Variants in FYB2 observed in about 807,000 individuals in gnomAD.
FYB2 encodes FYN binding protein 2.
In FYB2, 103 loss-of-function variants were observed where a neutral mutation model predicts 94.1. That is an observed-to-expected ratio of 1.09 (90% CI 0.93 to 1.29). FYB2 has a LOEUF of 1.29. FYB2 is among the 50% of genes most tolerant of loss of function. FYB2 has a pLI of 0.00. For missense variants in FYB2, 896 were observed against 841.5 expected, an observed-to-expected ratio of 1.06 and a Z score of -0.80; for synonymous variants, 293 against 287.9, an observed-to-expected ratio of 1.02 and a Z score of -0.18.
At position 56,719,647 on chromosome 1, in the gene FYB2, C is replaced by T; in HGVS notation, c.*24G>A. The T allele has an allele frequency of 6.3e-7, 1 of 1,593,630 alleles. No individual in the cohort carries two copies. Among genetic ancestry groups the T allele is most frequent in the South Asian group, 1.1e-5 (1 of 90,152 alleles). On this transcript the variant is annotated 3_prime_UTR_variant, in exon 20 of 20. Coordinates refer to ENST00000343433, the MANE Select transcript of FYB2 (RefSeq NM_001004303.5). ...TAGGACTAGTTCTCCTTTGTGCAGT[C>T]CATAGCATTTGATCTTGATTTTTCT...
chr1:56,733,588 C>A (rs953383466), intron 15 of FYB2, among the ~76,000 whole-genome samples: 1 of 152,112 alleles, frequency 6.6e-6, no homozygotes, highest in Non-Finnish European at 1.5e-5. Context: ...AAATTTCCCT[C>A]TACACACTGC....
chr1:56,772,306 C>T (rs1328736785), intron 4 of FYB2, among the ~76,000 whole-genome samples: 1 of 151,868 alleles, frequency 6.6e-6, no homozygotes, highest in Non-Finnish European at 1.5e-5. Flanking sequence ...AAAATTTTAC[C>T]AAAGTTTCCA....
chr1:56,750,807 A>T (rs1272916752), intron 9 of FYB2, among the ~76,000 whole-genome samples: 1 of 152,030 alleles, frequency 6.6e-6, no homozygotes, highest in East Asian at 1.9e-4. Context: ...AGTTGCAGGA[A>T]TATGAAGTCA....
chr1:56,720,278 A>C lies in FYB2; in HGVS notation c.2026T>G (p.Ser676Ala). ...INTAVACSNN[S>A]RNGIFDLPIS... ...GGCAAATCAAATATTCCATTTCTTGAATTATTGGAACAGGCCACTGCTGTA... is the reference window on the plus strand; with the variant it reads ...GGCAAATCAAATATTCCATTTCTTGCATTATTGGAACAGGCCACTGCTGTA... The change falls in exon 18 of 20, where the codon TCA becomes GCA. Residue 676 changes from serine to alanine, a missense_variant. Transcript: ENST00000343433. 6.2e-7 allele frequency: 1 copy of C among 1,612,060 alleles called. No homozygotes were observed. The highest frequency in any genetic ancestry group is 1.1e-5 in the South Asian group (1 of 90,906).
rs2298130 is a variant in FYB2 at position 56,792,144 on chromosome 1, T to C, written c.669A>G (p.Lys223=). The C allele has an allele frequency of 0.16, 261,163 of 1,613,628 alleles. 23,561 individuals are homozygous for C. The highest frequency in any genetic ancestry group is 0.33 in the African/African-American group (24,834 of 74,908). ...TCTCAGGAGGTGGGTTTTCCCAGCT[T>C]TTTCTGATATGTTGAGAAATTACAA... ...PSFVISQHIR[K]SWENPPPERS... is the part of the protein sequence containing the mutation. Residue 223 remains lysine, a synonymous_variant, in exon 2 of 20, where the codon AAA becomes AAG. Transcript: ENST00000343433.
At chr1:56,741,159 C>T (rs957812731) in intron 12 of FYB2, among the ~76,000 whole-genome samples, 1 of 152,058 alleles carries the variant, frequency 6.6e-6, no homozygotes, top group African/African-American at 2.4e-5. Flanking sequence ...GTCCAAAACA[C>T]ATCTCACTCA....
At chr1:56,720,845 GT>G (rs1179098030) in intron 17 of FYB2, 2 of 152,450 alleles carry the variant, frequency 1.3e-5, no homozygotes, top group Non-Finnish European at 2.9e-5. Flanking sequence ...GCTGGATGAG[GT>G]TGTAACATAG....
At chr1:56,796,481 T>C (rs1570191325) in intron 1 of FYB2, among the ~76,000 whole-genome samples, 2 of 152,216 alleles carry the variant, frequency 1.3e-5, no homozygotes, top group African/African-American at 2.4e-5. Flanking sequence ...GAATGACTTC[T>C]TGATGGACTC....
intron 15 of FYB2, among the ~76,000 whole-genome samples, chr1:56,733,421 T>C (rs1644756976): frequency 6.6e-6 from 1 of 152,148 alleles, no homozygotes; most frequent in Non-Finnish European, 1.5e-5. Flanking sequence ...TTTTTGTGTG[T>C]CTCTATCTCC....
chr1:56,752,946 A>C (rs1645235268), intron 8 of FYB2, among the ~76,000 whole-genome samples: 1 of 152,032 alleles, frequency 6.6e-6, no homozygotes, highest in African/African-American at 2.4e-5. Context: ...TTTCACACCC[A>C]GTGCTGCTCC....
At chr1:56,765,301 G>GT (rs1645595726) in intron 5 of FYB2, among the ~76,000 whole-genome samples, 1 of 152,194 alleles carries the variant, frequency 6.6e-6, no homozygotes, top group South Asian at 2.1e-4. Flanking sequence ...ATCCTTTGAG[G>GT]TAGGGAGAAG....
intron 12 of FYB2, among the ~76,000 whole-genome samples, 180 bp downstream of exon 12, chr1:56,741,981 A>C (rs1184849520): frequency 6.7e-6 from 1 of 148,964 alleles, no homozygotes; most frequent in Non-Finnish European, 1.5e-5. Flanking sequence ...ATTGATCACA[A>C]TTGTAATATT....
upstream of FYB2, chr1:56,823,709 T>C (rs1368331355): frequency 6.6e-6 from 1 of 152,218 alleles, no homozygotes; most frequent in East Asian, 1.9e-4. Flanking sequence ...AATAAGAATC[T>C]CAGCACCTGC....
intron 1 of FYB2, among the ~76,000 whole-genome samples, chr1:56,812,739 T>C (rs1000496176): frequency 4.6e-5 from 7 of 152,156 alleles, no homozygotes; most frequent in Non-Finnish European, 8.8e-5. Context: ...TGAGGGGCAA[T>C]AAACACTTCT....
chr1:56,789,699 C>A (rs1228633729), intron 2 of FYB2, among the ~76,000 whole-genome samples: 9 of 152,134 alleles, frequency 5.9e-5, no homozygotes, highest in Non-Finnish European at 1.3e-4. Context: ...ACCCTTACAT[C>A]AATATCATGG....
chr1:56,790,242 C>A (rs1646229912), intron 2 of FYB2, among the ~76,000 whole-genome samples: 1 of 152,196 alleles, frequency 6.6e-6, no homozygotes, highest in Non-Finnish European at 1.5e-5. Flanking sequence ...CCTCCACAAG[C>A]TGGAAGGGAG....
Position 56,722,228 on chromosome 1 carries a change from C to G in FYB2, c.1974+1360G>C, listed in dbSNP as rs149751842. Among the ~76,000 whole-genome samples, 314 of 152,214 alleles carry G rather than the reference C, an allele frequency of 2.1e-3. 1 individual carries two copies. The highest frequency in any genetic ancestry group is 7.3e-3 in the African/African-American group (304 of 41,562). The stretch of plus-strand genomic sequence containing the variant: ...TAACCCCAATCAGCTTTGGTTCAAA[C>G]AGGAATTATCAGTGATGATGAGAGA... On this transcript the variant is annotated intron_variant, in intron 17 of 19. Coordinates refer to ENST00000343433, the MANE Select transcript of FYB2 (RefSeq NM_001004303.5).
intron 9 of FYB2, among the ~76,000 whole-genome samples, chr1:56,746,867 C>T (rs1645079136): frequency 6.6e-6 from 1 of 151,954 alleles, no homozygotes; most frequent in South Asian, 2.1e-4. Flanking sequence ...CTTAGTACTG[C>T]TAAACAGTTT....
At chr1:56,770,982 G>A (rs1368579869) in intron 4 of FYB2, among the ~76,000 whole-genome samples, 1 of 152,082 alleles carries the variant, frequency 6.6e-6, no homozygotes, top group Non-Finnish European at 1.5e-5. Flanking sequence ...TACCTTATTT[G>A]GCAAGAATAT....
Sources: gnomAD v4.1 joint callset for allele counts (sites outside exome capture counted in the v4.1 genomes callset) on GRCh38, gnomAD v4.1.1 for gene constraint, MANE v1.5 for transcripts, NCBI Gene and HGNC (gene_info 2026-07-23, HGNC 2026-07-21) for gene names.